PTH2R: variants seen among roughly 807,000 people sequenced by gnomAD.
PTH2R encodes parathyroid hormone 2 receptor, also known as PTH2 receptor.
In PTH2R, 59 loss-of-function variants were observed where a neutral mutation model predicts 60.3. The ratio of observed to expected loss-of-function variants is 0.98; its 90% CI spans 0.79 to 1.22. The LOEUF is 1.22. Ranked by LOEUF, PTH2R falls within the 50% of genes most tolerant of loss-of-function variation. PTH2R has a pLI of 0.00. For missense variants in PTH2R, 749 were observed against 682.6 expected (o/e 1.10, Z -1.08); for synonymous variants, 256 against 243.8 (o/e 1.05, Z -0.47).
intron 11 of PTH2R, among the ~76,000 whole-genome samples, chr2:208,489,611 T>C (rs529653047): frequency 6.6e-6 from 1 of 152,340 alleles, no homozygotes; most frequent in Admixed American, 6.5e-5. Context: ...TGGATTACTC[T>C]TTGTCCTGCT....
chr2:208,453,378 A>G (rs1702446798), intron 8 of PTH2R, among the ~76,000 whole-genome samples: 1 of 152,230 alleles, frequency 6.6e-6, no homozygotes, highest in Non-Finnish European at 1.5e-5. Flanking sequence ...CTACCTTGTT[A>G]GTGCGTTTGA....
rs970043480 is a variant in PTH2R, at chr2:208,377,031, A to G, written c.-259+16794A>G. Among the ~76,000 whole-genome samples the G allele has an allele frequency of 1.8e-4, 28 of 151,968 alleles. 1 individual carries two copies. Among genetic ancestry groups the G allele is most frequent in the African/African-American group, 6.5e-4 (27 of 41,256 alleles). ...AGAGGACCCTGCGGGCTTCCACAGT[A>G]TTTGTGTCCCTGGGTACTTGAGATT... On this transcript the variant is annotated intron_variant, in intron 1 of 12. Coordinates refer to the PTH2R transcript ENST00000617735.
At position 208,381,150 on chromosome 2, in the gene PTH2R, C is replaced by T. The variant is rs192800705; in HGVS notation, c.-259+20913C>T. 1.1e-3 allele frequency among the ~76,000 whole-genome samples: 172 copies of T among 152,108 alleles called. 2 individuals are homozygous for T. The highest frequency in any genetic ancestry group is 9.6e-4 in the East Asian group (5 of 5,186). Reference sequence around the variant, plus strand: ...TGTGATTTTAGGAAAGCTTTTCAGACCCTCAGAACCCCAGTCTCTTCATCT... The same window carrying T: ...TGTGATTTTAGGAAAGCTTTTCAGATCCTCAGAACCCCAGTCTCTTCATCT... On this transcript the variant is annotated intron_variant, in intron 1 of 12. Coordinates refer to the PTH2R transcript ENST00000617735.
rs145437478 is a variant in PTH2R at position 208,409,834 on chromosome 2, A to G, written c.75+2716A>G. 3.5e-3 allele frequency among the ~76,000 whole-genome samples: 535 copies of G among 152,330 alleles called. 3 individuals carry two copies. The highest frequency in any genetic ancestry group is 0.012 in the African/African-American group (506 of 41,584). On this transcript the variant is annotated intron_variant, in intron 1 of 12. Coordinates refer to ENST00000272847, the MANE Select transcript of PTH2R (RefSeq NM_005048.4). ...ATCACATGGTAATGAGGACCACTAT[A>G]TAAACATGTTCAGTATTTTCTTTAC...
At chr2:208,397,282 T>C (rs1701228249) in intron 1 of PTH2R, among the ~76,000 whole-genome samples, 1 of 151,682 alleles carries the variant, frequency 6.6e-6, no homozygotes, top group African/African-American at 2.4e-5. Flanking sequence ...TGTGCACATG[T>C]ACCCTAGAAT....
At chr2:208,361,615 C>G (rs1254788476) in intron 1 of PTH2R, among the ~76,000 whole-genome samples, 1 of 152,186 alleles carries the variant, frequency 6.6e-6, no homozygotes, top group Non-Finnish European at 1.5e-5. Flanking sequence ...AAGCTCCAGG[C>G]AGCTACCATT....
intron 1 of PTH2R, among the ~76,000 whole-genome samples, chr2:208,411,042 T>A (rs2105835800): frequency 6.6e-6 from 1 of 152,258 alleles, no homozygotes; most frequent in East Asian, 1.9e-4. Context: ...GGTCAGGAGT[T>A]CGAGACCAGC....
intron 1 of PTH2R, among the ~76,000 whole-genome samples, chr2:208,427,775 CTAAA>C (rs1275491704): frequency 6.6e-6 from 1 of 151,690 alleles, no homozygotes; most frequent in Non-Finnish European, 1.5e-5. Flanking sequence ...ACTCTTGGTA[CTAAA>C]TAAATTGTAT....
At chr2:208,377,836 C>T (rs1328511467) in intron 1 of PTH2R, among the ~76,000 whole-genome samples, 17 of 151,812 alleles carry the variant, frequency 1.1e-4, no homozygotes, top group Admixed American at 1.1e-3. Flanking sequence ...AGAGACGCTC[C>T]TCACTTCCTA....
chr2:208,377,467 A>C (rs1574819304), intron 1 of PTH2R, among the ~76,000 whole-genome samples: 5 of 119,634 alleles, frequency 4.2e-5, no homozygotes, highest in South Asian at 2.8e-4. Context: ...GGTGCCCCCC[A>C]CCTCCCGGAT....
At chr2:208,385,044 C>A (rs1700978440) in intron 1 of PTH2R, among the ~76,000 whole-genome samples, 1 of 152,158 alleles carries the variant, frequency 6.6e-6, no homozygotes, top group African/African-American at 2.4e-5. Context: ...CTTCTTAGAA[C>A]AGAAATAAAA....
chr2:208,441,685 C>T (rs527864628), intron 4 of PTH2R, among the ~76,000 whole-genome samples: 3 of 152,208 alleles, frequency 2.0e-5, no homozygotes, highest in South Asian at 2.1e-4. Context: ...GAGGTGTCAC[C>T]GTAAGGGACA....
intron 5 of PTH2R, among the ~76,000 whole-genome samples, chr2:208,443,038 T>C (rs1702217894): frequency 1.3e-5 from 2 of 152,178 alleles, no homozygotes; most frequent in Non-Finnish European, 2.9e-5. Context: ...TACATACTTA[T>C]TTTTTGGGTC....
intron 10 of PTH2R, among the ~76,000 whole-genome samples, chr2:208,488,207 C>T (rs1398169535): frequency 6.6e-6 from 1 of 152,126 alleles, no homozygotes; most frequent in Non-Finnish European, 1.5e-5. Flanking sequence ...GACCTAAAGG[C>T]ACCTTGAGAC....
At chr2:208,404,948 A>G (rs770200286), upstream of PTH2R, among the ~76,000 whole-genome samples, 3 of 152,234 alleles carry the variant, frequency 2.0e-5, no homozygotes, top group Non-Finnish European at 2.9e-5. Context: ...GATGAATGGT[A>G]TTCCACCCTG....
chr2:208,444,893 A>G lies in PTH2R; in HGVS notation c.853+6A>G, dbSNP rs112977578. ...CTTCATCTTGATAGGCTGGGGTAAG[A>G]CATTTATATCTCTGTTCCTTTCAAA... On this transcript the variant is annotated splice_donor_region_variant and intron_variant, in intron 7 of 12. Transcript: ENST00000272847. 2.2e-4 allele frequency: 350 copies of G among 1,611,078 alleles called. No homozygotes were observed. Among genetic ancestry groups the G allele is most frequent in the Non-Finnish European group, 2.8e-4 (327 of 1,178,340 alleles).
chr2:208,493,835 A>G lies in PTH2R; in HGVS notation c.*176A>G, dbSNP rs1229653938. 7.0e-5 allele frequency: 40 copies of G among 567,934 alleles called. No homozygotes were observed. Among genetic ancestry groups the G allele is most frequent in the Non-Finnish European group, 7.4e-5 (26 of 350,954 alleles). The allele number at this position is 567,934 out of a possible 1,614,324, so 35.2% of individuals were successfully genotyped here. A position where few individuals can be genotyped will look rare whatever the true frequency, so the allele number is the denominator to read the frequency against. Reference sequence around the variant, plus strand: ...GTAAATACTAACGACATGAAAATGCAAGTGTCAATGGAGTAGTTTATTACC... The same window carrying G: ...GTAAATACTAACGACATGAAAATGCGAGTGTCAATGGAGTAGTTTATTACC... On this transcript the variant is annotated 3_prime_UTR_variant, in exon 13 of 13. Coordinates refer to ENST00000272847, the MANE Select transcript of PTH2R (RefSeq NM_005048.4).
At chr2:208,437,732 G>T in intron 3 of PTH2R, 28 bp from the exon 4 acceptor site, 2 of 1,606,750 alleles carry the variant, frequency 1.2e-6, no homozygotes, top group Non-Finnish European at 1.7e-6. Context: ...GGAACTGAGC[G>T]ATCTCAGCAT....
At position 208,406,898 on chromosome 2, in the gene PTH2R, C is replaced by T; in HGVS notation, c.-146C>T. ...GCTCCGGCGACAAGACCCCAAGCACCCTCGGCCGGTGGCCCGGGCCCGACC... is the reference window on the plus strand; with the variant it reads ...GCTCCGGCGACAAGACCCCAAGCACTCTCGGCCGGTGGCCCGGGCCCGACC... On this transcript the variant is annotated 5_prime_UTR_variant, in exon 1 of 13. Coordinates refer to ENST00000272847, the MANE Select transcript of PTH2R (RefSeq NM_005048.4). 3.6e-6 allele frequency: 2 copies of T among 550,856 alleles called. No individual in the cohort carries two copies. Among genetic ancestry groups the T allele is most frequent in the South Asian group, 5.9e-5 (1 of 17,044 alleles). 34.1% of individuals were successfully genotyped at this position (550,856 alleles called of 1,614,324 possible).
Sources: allele counts gnomAD v4.1 joint callset (sites outside exome capture counted in the v4.1 genomes callset), GRCh38; gene constraint gnomAD v4.1.1; transcripts MANE v1.5; gene names NCBI Gene and HGNC (gene_info 2026-07-23, HGNC 2026-07-21).